Variants in GALNT13 observed in about 807,000 individuals in gnomAD.
The protein encoded by GALNT13 is UDP-GalNAc:polypeptide N-acetylgalactosaminyltransferase 13.
Under a neutral mutation model 64.2 loss-of-function variants are expected in GALNT13, and 28 were observed. That is an observed-to-expected ratio of 0.44 (90% CI 0.32 to 0.60). The LOEUF (loss-of-function observed/expected upper bound fraction) is 0.60, where lower values mean the gene tolerates loss of function less well. Ranked by LOEUF, GALNT13 falls within the 20% of genes least tolerant of loss-of-function variation. The probability of loss-of-function intolerance (pLI) is 0.05; values close to 1 mark genes in which losing one functional copy is unlikely to be tolerated. For synonymous variants in GALNT13, 214 were observed against 224.6 expected, an observed-to-expected ratio of 0.95 and a Z score of 0.42; for missense variants, 577 against 669.8, an observed-to-expected ratio of 0.86 and a Z score of 1.53.
chr2:153,508,520 C>T, the GALNT13 span, among the ~76,000 whole-genome samples: 1 of 152,082 alleles, frequency 6.6e-6, no homozygotes, highest in Non-Finnish European at 1.5e-5. Flanking sequence ...ACAGATCTGA[C>T]TCTACACCCA....
chr2:153,866,317 A>AT, the GALNT13 span, among the ~76,000 whole-genome samples: 266 of 151,870 alleles, frequency 1.8e-3, 7 homozygotes, highest in Non-Finnish European at 1.5e-4. Context: ...ATAATAAAAA[A>AT]AAATAAATGG....
rs796615512 is a variant in GALNT13 at position 154,145,100 on chromosome 2, C to CTATCTATATATA, written c.311+4598_311+4599insCTATATATATAT. Among the ~76,000 whole-genome samples the CTATCTATATATA allele has an allele frequency of 1.0e-3, 119 of 119,522 alleles. 1 individual carries two copies. Among genetic ancestry groups the CTATCTATATATA allele is most frequent in the Non-Finnish European group, 1.5e-3 (88 of 58,180 alleles). The allele number at this position is 119,522 out of a possible 152,430, so 78.4% of individuals were successfully genotyped here. On this transcript the variant is annotated intron_variant, in intron 4 of 12. Transcript: ENST00000392825. ...TCTATCTATCTATCTATCTATCTAT[C>CTATCTATATATA]TATATATATATATATATATACACAC...
At chr2:154,353,545 T>C (rs962901698) in intron 9 of GALNT13, among the ~76,000 whole-genome samples, 4 of 152,166 alleles carry the variant, frequency 2.6e-5, no homozygotes, top group African/African-American at 9.7e-5. Context: ...CATCTGCTAC[T>C]TTGTATTCGT....
At chr2:153,933,890 T>C (rs1690711610) in intron 2 of GALNT13, among the ~76,000 whole-genome samples, 1 of 152,208 alleles carries the variant, frequency 6.6e-6, no homozygotes, top group Non-Finnish European at 1.5e-5. Context: ...AGTTGGACTT[T>C]CTTTTCTTTA....
At chr2:153,440,346 A>G in the GALNT13 span, among the ~76,000 whole-genome samples, 6 of 152,116 alleles carry the variant, frequency 3.9e-5, no homozygotes, top group Admixed American at 1.3e-4. Context: ...TATCCAGTCT[A>G]TCATTGGTGG....
intron 3 of GALNT13, among the ~76,000 whole-genome samples, chr2:154,123,664 A>G (rs923665907): frequency 1.3e-5 from 2 of 152,040 alleles, no homozygotes; most frequent in Non-Finnish European, 2.9e-5. Flanking sequence ...GTCATTTCTT[A>G]TAAAGTTAAG....
At chr2:153,900,219 G>A (rs1022457905) in intron 1 of GALNT13, among the ~76,000 whole-genome samples, 5 of 151,938 alleles carry the variant, frequency 3.3e-5, no homozygotes, top group Non-Finnish European at 7.4e-5. Flanking sequence ...TATATACTCC[G>A]TAGTGTAAAA....
chr2:153,236,025 A>G, the GALNT13 span, among the ~76,000 whole-genome samples: 1 of 152,172 alleles, frequency 6.6e-6, no homozygotes, highest in African/African-American at 2.4e-5. Context: ...AAGTCATTTT[A>G]TGGCTGATAT....
At chr2:153,247,836 AAAGAG>A in the GALNT13 span, among the ~76,000 whole-genome samples, 1 of 152,200 alleles carries the variant, frequency 6.6e-6, no homozygotes. Flanking sequence ...ATAAAGAAGA[AAAGAG>A]AAGAATCGAA....
the GALNT13 span, among the ~76,000 whole-genome samples, chr2:153,630,805 A>ATATT: frequency 6.7e-5 from 1 of 15,004 alleles, no homozygotes; most frequent in African/African-American, 2.4e-4. Flanking sequence ...ATATATATAT[A>ATATT]TATTTTTTTT....
the GALNT13 span, among the ~76,000 whole-genome samples, chr2:153,242,636 CCA>C: frequency 5.3e-5 from 8 of 152,110 alleles, no homozygotes; most frequent in African/African-American, 1.9e-4. Context: ...AAATGGATAT[CCA>C]AGCTATATGT....
At chr2:153,269,080 A>T in the GALNT13 span, among the ~76,000 whole-genome samples, 1 of 152,212 alleles carries the variant, frequency 6.6e-6, no homozygotes. Context: ...TACTTATGCA[A>T]ATTTCTACAG....
At chr2:154,050,814 A>G (rs2105346015) in intron 3 of GALNT13, among the ~76,000 whole-genome samples, 1 of 152,278 alleles carries the variant, frequency 6.6e-6, no homozygotes, top group Non-Finnish European at 1.5e-5. Context: ...AAATCAATCA[A>G]CCTTCACTTC....
At chr2:153,416,270 C>T in the GALNT13 span, among the ~76,000 whole-genome samples, 1 of 152,192 alleles carries the variant, frequency 6.6e-6, no homozygotes, top group South Asian at 2.1e-4. Flanking sequence ...TGAGAGAAAC[C>T]CACAGTGTCT....
At chr2:153,153,699 A>G in the GALNT13 span, among the ~76,000 whole-genome samples, 5 of 142,064 alleles carry the variant, frequency 3.5e-5, no homozygotes, top group Admixed American at 3.8e-4. Context: ...GTCAAAGATC[A>G]GATACCTGTA....
intron 11 of GALNT13, among the ~76,000 whole-genome samples, chr2:154,430,682 A>G (rs916312111): frequency 2.0e-5 from 3 of 152,198 alleles, no homozygotes; most frequent in Admixed American, 2.0e-4. Context: ...GTAAAATGCT[A>G]TCAAACATCA....
the GALNT13 span, among the ~76,000 whole-genome samples, chr2:153,102,138 C>A: frequency 6.6e-6 from 1 of 152,032 alleles, no homozygotes; most frequent in Admixed American, 6.6e-5. Flanking sequence ...GTGTGTGTCT[C>A]TTGGGAACTC....
chr2:153,341,977 G>A, the GALNT13 span, among the ~76,000 whole-genome samples: 21 of 152,320 alleles, frequency 1.4e-4, no homozygotes, highest in South Asian at 4.1e-3. Flanking sequence ...GCAGCCAGCA[G>A]CAGCCAGGTA....
At chr2:153,686,016 A>G in the GALNT13 span, among the ~76,000 whole-genome samples, 8 of 152,028 alleles carry the variant, frequency 5.3e-5, no homozygotes, top group Non-Finnish European at 1.2e-4. Context: ...CTGTTTTTGT[A>G]CCAGTACCAC....
Sources: allele counts gnomAD v4.1 joint callset (sites outside exome capture counted in the v4.1 genomes callset), GRCh38; gene constraint gnomAD v4.1.1; transcripts MANE v1.5; gene names NCBI Gene and HGNC (gene_info 2026-07-23, HGNC 2026-07-21).